Variants in OR51M1 observed in about 807,000 individuals in gnomAD.
OR51M1 encodes the protein olfactory receptor 51M1.
For synonymous variants in OR51M1, 199 were observed against 155.1 expected, an observed-to-expected ratio of 1.28 and a Z score of -2.10; for missense variants, 509 against 404.4, an observed-to-expected ratio of 1.26 and a Z score of -2.22.
intron 2 of OR51M1, among the ~76,000 whole-genome samples, chr11:5,388,170 A>G (rs1181270139): frequency 6.6e-6 from 1 of 152,152 alleles, no homozygotes; most frequent in Non-Finnish European, 1.5e-5. Flanking sequence ...TTAATAATTT[A>G]TTCAAATAAT....
In OR51M1 at chr11:5,390,116, C is replaced by T. The variant is rs750235724; in HGVS notation, c.718C>T (p.Leu240=). ...YGLILHTVAG[L]ASQEEQRRAF... ...ACTCATCCTGCACACAGTAGCAGGC[C>T]TGGCCTCCCAAGAGGAGCAGCGCCG... Residue 240 remains leucine (L), a synonymous_variant, in exon 3 of 3, where the codon CTG becomes TTG. Transcript: ENST00000642046. 1.9e-6 allele frequency: 3 copies of T among 1,613,858 alleles called. No individual in the cohort carries two copies. Among genetic ancestry groups the T allele is most frequent in the Non-Finnish European group, 2.5e-6 (3 of 1,179,902 alleles).
Position 5,390,056 on chromosome 11 carries a change from A to T in OR51M1, c.658A>T (p.Met220Leu), listed in dbSNP as rs745723103. The T allele has an allele frequency of 6.8e-6, 11 of 1,613,572 alleles. No homozygotes were observed. The East Asian group carries it at 2.2e-4, about 33-fold the overall frequency. The change falls in exon 3 of 3, where the codon ATG becomes TTG. Residue 220 changes from methionine to leucine, a missense_variant. By Grantham distance (15) the Met-to-Leu change is conservative (BLOSUM62 2). Transcript: ENST00000642046. ...YGLMVVVFTVMLDLVLIALSY... is the reference protein window; with the variant it reads ...YGLMVVVFTVLLDLVLIALSY... The stretch of plus-strand genomic sequence containing the variant: ...ACTGATGGTGGTAGTTTTCACTGTG[A>T]TGCTGGACCTGGTGCTCATCGCACT...
chr11:5,390,201 T>C lies in OR51M1; in HGVS notation c.803T>C (p.Met268Thr), dbSNP rs1350506492. 1 of 1,613,906 alleles carries C rather than the reference T, an allele frequency of 6.2e-7. No homozygotes were observed. Among genetic ancestry groups the C allele is most frequent in the African/African-American group, 1.3e-5 (1 of 74,946 alleles). ...GTGCTAGTATTCTTTGTGCCCATGA[T>C]GGGGCTGTCCCTGGTGCACCGTTTT... is the stretch of plus-strand genomic sequence containing the variant. ...CAVLVFFVPM[M>T]GLSLVHRFGK... Residue 268 changes from methionine to threonine, a missense_variant, in exon 3 of 3, where the codon ATG (methionine) becomes ACG (threonine). Physicochemically the swap from Met to Thr is moderately conservative, Grantham distance 81. Coordinates refer to ENST00000642046, the MANE Select transcript of OR51M1 (RefSeq NM_001004756.3).
intron 2 of OR51M1, among the ~76,000 whole-genome samples, chr11:5,387,031 T>C (rs1849705340): frequency 6.6e-6 from 1 of 152,114 alleles, no homozygotes; most frequent in South Asian, 2.1e-4. Context: ...AACGGAGTTA[T>C]CTGGACTAGA....
chr11:5,388,710 G>A (rs1451878790), intron 2 of OR51M1, among the ~76,000 whole-genome samples: 1 of 151,358 alleles, frequency 6.6e-6, no homozygotes, highest in Non-Finnish European at 1.5e-5. Context: ...ACTTGTTTAT[G>A]TATACGTCTC....
rs567097298 is a variant in OR51M1, at chr11:5,390,960, C to G, written c.*581C>G. The stretch of plus-strand genomic sequence containing the variant: ...CCCCAAATTTCTAAGGTTGTGCTCT[C>G]TCCTGACCATATTCCTCTAGAAGAA... On this transcript the variant is annotated 3_prime_UTR_variant, in exon 3 of 3. Coordinates refer to ENST00000642046, the MANE Select transcript of OR51M1 (RefSeq NM_001004756.3). 6.5e-6 allele frequency: 1 copy of G among 152,936 alleles called. No individual in the cohort carries two copies. Among genetic ancestry groups the G allele is most frequent in the South Asian group, 2.1e-4 (1 of 4,832 alleles). The allele number at this position is 152,936 out of a possible 1,614,324, so 9.5% of individuals were successfully genotyped here.
In OR51M1 at chr11:5,390,404, G is replaced by C. The variant is rs753784765; in HGVS notation, c.*25G>C. ...AGTCCTGGGGCTAAAACTCCCCCTA[G>C]AGGCCTATAAGAAGGCCCCAAATTG... On this transcript the variant is annotated 3_prime_UTR_variant, in exon 3 of 3. Transcript: ENST00000642046. The C allele has an allele frequency of 2.6e-6, 4 of 1,539,204 alleles. No individual in the cohort carries two copies. Among genetic ancestry groups the C allele is most frequent in the East Asian group, 2.3e-5 (1 of 42,600 alleles).
chr11:5,386,264 G>T (rs1415457898), intron 2 of OR51M1, among the ~76,000 whole-genome samples: 2 of 151,990 alleles, frequency 1.3e-5, no homozygotes, highest in African/African-American at 4.8e-5. Flanking sequence ...GGAAAAGATG[G>T]GTTTGGAAAG....
In OR51M1 at chr11:5,389,550, T is replaced by A; in HGVS notation, c.152T>A (p.Ile51Asn). ...IPFFFMYMVAISGNCFILIII... is the reference protein window; with the variant it reads ...IPFFFMYMVANSGNCFILIII... ...TTTTTCTTTATGTACATGGTTGCCA[T>A]CTCAGGCAATTGTTTCATTCTGATC... Residue 51 changes from isoleucine (I) to asparagine (N), a missense_variant, in exon 3 of 3, where the codon ATC becomes AAC. Transcript: ENST00000642046. 6.2e-7 allele frequency: 1 copy of A among 1,613,966 alleles called. No homozygotes were observed. The highest frequency in any genetic ancestry group is 8.5e-7 in the Non-Finnish European group (1 of 1,179,878).
rs990037417 is a variant in OR51M1, at chr11:5,392,396, G to A, written c.*2017G>A. 6.6e-6 allele frequency: 1 copy of A among 152,112 alleles called. No homozygotes were observed. The highest frequency in any genetic ancestry group is 1.5e-5 in the Non-Finnish European group (1 of 68,026). The allele number at this position is 152,112 out of a possible 1,614,324, so 9.4% of individuals were successfully genotyped here. ...ATTCCTATTCTATAGATCTCATTTG[G>A]TAGAATGGGGTACAAAAAATTTAGG... On this transcript the variant is annotated 3_prime_UTR_variant, in exon 3 of 3. Coordinates refer to ENST00000642046, the MANE Select transcript of OR51M1 (RefSeq NM_001004756.3).
In OR51M1 at chr11:5,389,681, G is replaced by A. The variant is rs749236572; in HGVS notation, c.283G>A (p.Gly95Arg). 32 of 1,613,438 alleles carry A rather than the reference G, an allele frequency of 2.0e-5. No homozygotes were observed. Among genetic ancestry groups the A allele is most frequent in the African/African-American group, 2.7e-5 (2 of 74,900 alleles). Residue 95 changes from glycine to arginine, a missense_variant, in exon 3 of 3, where the codon GGG becomes AGG. Physicochemically the swap from Gly to Arg is moderately radical, Grantham distance 125 (BLOSUM62 -2). Coordinates refer to ENST00000642046, the MANE Select transcript of OR51M1 (RefSeq NM_001004756.3). ...TGTGTCCACGTTGCCCACCACTATG[G>A]GGATCTTCTGGTTTAACTCCCATAG... ...LCVSTLPTTM[G>R]IFWFNSHSIY...
At chr11:5,387,113 G>A (rs1195244745) in intron 2 of OR51M1, among the ~76,000 whole-genome samples, 1 of 152,024 alleles carries the variant, frequency 6.6e-6, no homozygotes, top group East Asian at 1.9e-4. Context: ...AGAAGTTAAG[G>A]TGTTCAAGGA....
intron 2 of OR51M1, among the ~76,000 whole-genome samples, chr11:5,385,908 T>C (rs1420209248): frequency 3.4e-5 from 5 of 149,064 alleles, no homozygotes; most frequent in Non-Finnish European, 7.4e-5. Flanking sequence ...TTTAAACTTA[T>C]ACATATGTGT....
At chr11:5,385,885 C>T (rs1849686091) in intron 2 of OR51M1, among the ~76,000 whole-genome samples, 1 of 148,796 alleles carries the variant, frequency 6.7e-6, no homozygotes, top group South Asian at 2.1e-4. Context: ...TAAATCTATA[C>T]ACTTATATGT....
chr11:5,385,802 AAAAAAT>A (rs1849682459), intron 2 of OR51M1, among the ~76,000 whole-genome samples: 1 of 142,376 alleles, frequency 7.0e-6, no homozygotes, highest in South Asian at 2.2e-4. Context: ...ACTTATATAT[AAAAAAT>A]CTATAAAGTA....
At chr11:5,385,555 G>T (rs1037913398) in intron 2 of OR51M1, 97 bp downstream of exon 2, 4 of 152,040 alleles carry the variant, frequency 2.6e-5, no homozygotes, top group African/African-American at 7.2e-5. Flanking sequence ...GGCTCCAGGG[G>T]CCTTTAGAGA....
At position 5,390,116 on chromosome 11, in the gene OR51M1, C is replaced by G. The variant is rs750235724; in HGVS notation, c.718C>G (p.Leu240Val). ...YGLILHTVAGLASQEEQRRAF... is the reference protein window; with the variant it reads ...YGLILHTVAGVASQEEQRRAF... The stretch of plus-strand genomic sequence containing the variant: ...ACTCATCCTGCACACAGTAGCAGGC[C>G]TGGCCTCCCAAGAGGAGCAGCGCCG... Residue 240 changes from leucine to valine, a missense_variant, in exon 3 of 3, where the codon CTG becomes GTG. By Grantham distance (32) the Leu-to-Val change is conservative. Coordinates refer to ENST00000642046, the MANE Select transcript of OR51M1 (RefSeq NM_001004756.3). 10 of 1,613,858 alleles carry G rather than the reference C, an allele frequency of 6.2e-6. No individual in the cohort carries two copies. In the South Asian group the frequency reaches 1.1e-4, roughly 18 times the overall value.
At chr11:5,389,357 T>C in intron 2 of OR51M1, 27 bp from the exon 3 acceptor site, 4 of 1,580,434 alleles carry the variant, frequency 2.5e-6, no homozygotes, top group Non-Finnish European at 3.4e-6. Flanking sequence ...GAAGAATTAA[T>C]AACCAGAAAT....
chr11:5,385,218 T>C (rs967818970), intron 1 of OR51M1, 135 bp from the exon 2 acceptor site: 1 of 152,148 alleles, frequency 6.6e-6, no homozygotes, highest in African/African-American at 2.4e-5. Flanking sequence ...TTAGTAGACA[T>C]GAAAAAATGA....
Sources: allele counts gnomAD v4.1 joint callset (sites outside exome capture counted in the v4.1 genomes callset), GRCh38; gene constraint gnomAD v4.1.1; transcripts MANE v1.5; gene names NCBI Gene and HGNC (gene_info 2026-07-23, HGNC 2026-07-21).